AXIN1: variants seen among roughly 807,000 people sequenced by gnomAD.
AXIN1 encodes axin-1.
A neutral mutation model predicts 76.4 loss-of-function variants in AXIN1; 30 were observed. The observed-to-expected ratio is 0.39, with a 90% CI of 0.29 to 0.53. The LOEUF (loss-of-function observed/expected upper bound fraction) is 0.53, where lower values mean the gene tolerates loss of function less well. Among genes scored for constraint, AXIN1 ranks in the 20% least tolerant of loss-of-function variants. AXIN1 has a pLI of 0.66. For synonymous variants in AXIN1, 545 were observed against 501.4 expected, an observed-to-expected ratio of 1.09 and a Z score of -1.16; for missense variants, 1,140 against 1,198.8, an observed-to-expected ratio of 0.95 and a Z score of 0.72.
At chr16:302,070 C>T (rs1018775834) in intron 5 of AXIN1, among the ~76,000 whole-genome samples, 3 of 152,228 alleles carry the variant, frequency 2.0e-5, no homozygotes, top group Admixed American at 2.0e-4. Context: ...GCCTCAGGTG[C>T]GCACAGCCAG....
chr16:298,636 T>C (rs1006754890), intron 5 of AXIN1, among the ~76,000 whole-genome samples: 4 of 152,180 alleles, frequency 2.6e-5, no homozygotes, highest in Non-Finnish European at 2.9e-5. Context: ...GCCTCCAGAA[T>C]AGCGGAGACC....
In AXIN1 at chr16:305,541, G is replaced by GT. The variant is rs113081378; in HGVS notation, c.1117-1101dup. Among the ~76,000 whole-genome samples, 23 of 151,586 alleles carry GT rather than the reference G, an allele frequency of 1.5e-4. 1 individual carries two copies. Among genetic ancestry groups the GT allele is most frequent in the African/African-American group, 5.3e-4 (22 of 41,308 alleles). On this transcript the variant is annotated intron_variant, in intron 4 of 10. Transcript: ENST00000262320. ...ATACCATATAGCTTGTTTGTTTTTG[G>GT]TTTTTTTTGTTTTTGTTTTTGAGAC... is the stretch of plus-strand genomic sequence containing the variant.
intron 7 of AXIN1, among the ~76,000 whole-genome samples, chr16:295,763 A>G (rs1392055798): frequency 1.3e-5 from 2 of 151,474 alleles, no homozygotes; most frequent in African/African-American, 4.9e-5. Context: ...GGAGTTCGAG[A>G]TCAGCCTAAC....
Position 297,914 on chromosome 16 carries a change from T to C in AXIN1, c.1592A>G (p.His531Arg), listed in dbSNP as rs1211411744. ...GAKLDAAGLH[H>R]HRHVHHHVHH... Reference sequence around the variant, plus strand: ...GACGTGGTGGTGGACGTGTCGGTGGTGGTGCAGGCCGGCCGCGTCCAGCTT... The same window carrying C: ...GACGTGGTGGTGGACGTGTCGGTGGCGGTGCAGGCCGGCCGCGTCCAGCTT... Residue 531 changes from histidine (H) to arginine (R), a missense_variant, in exon 6 of 11, where the codon CAC becomes CGC. Around this residue, in one of 3 missense-constraint regions of AXIN1, gnomAD observed 708 missense variants for 776.9 expected, o/e 0.91. Transcript: ENST00000262320. 1 of 1,597,076 alleles carries C rather than the reference T, an allele frequency of 6.3e-7. No individual in the cohort carries two copies. Among genetic ancestry groups the C allele is most frequent in the Non-Finnish European group, 8.5e-7 (1 of 1,171,156 alleles).
intron 2 of AXIN1, among the ~76,000 whole-genome samples, chr16:337,575 C>G (rs2053832669): frequency 6.6e-6 from 1 of 151,894 alleles, no homozygotes; most frequent in African/African-American, 2.4e-5. Flanking sequence ...GGGCACAGGA[C>G]CAAGCAGCCC....
chr16:329,051 G>A (rs2141650276), intron 2 of AXIN1, among the ~76,000 whole-genome samples: 1 of 152,256 alleles, frequency 6.6e-6, no homozygotes, highest in African/African-American at 2.4e-5. Flanking sequence ...CAAGGCAGGA[G>A]GGAGGATCAC....
intron 3 of AXIN1, among the ~76,000 whole-genome samples, chr16:312,988 T>C (rs1465064308): frequency 6.6e-6 from 1 of 152,144 alleles, no homozygotes; most frequent in African/African-American, 2.4e-5. Context: ...AGTTGGAGAC[T>C]GCATAGTGAG....
At chr16:297,394 C>T (rs2052742814) in intron 6 of AXIN1, among the ~76,000 whole-genome samples, 168 bp from the exon 7 acceptor site, 1 of 151,906 alleles carries the variant, frequency 6.6e-6, no homozygotes, top group Admixed American at 6.6e-5. Context: ...CCAGCTTGTC[C>T]CCCACCCGCT....
At chr16:320,114 C>T (rs913050895) in intron 2 of AXIN1, among the ~76,000 whole-genome samples, 3 of 152,210 alleles carry the variant, frequency 2.0e-5, no homozygotes, top group Admixed American at 6.5e-5. Context: ...TCACAAGCAA[C>T]GCATTTCCTG....
At chr16:298,723 C>T (rs949167761) in intron 5 of AXIN1, among the ~76,000 whole-genome samples, 1 of 151,850 alleles carries the variant, frequency 6.6e-6, no homozygotes, top group African/African-American at 2.4e-5. Flanking sequence ...ATTGGCCAGG[C>T]TGGTCTCGAA....
chr16:289,163 A>G (rs2052479638), intron 10 of AXIN1, among the ~76,000 whole-genome samples: 1 of 151,004 alleles, frequency 6.6e-6, no homozygotes, highest in South Asian at 2.1e-4. Flanking sequence ...ATCTCAGCTC[A>G]CTGCAACCTC....
chr16:293,278 G>C lies in AXIN1; in HGVS notation c.2186+210C>G. ...ATGAGCGCGGCGGCCTCGGGTGTGT[G>C]AAAGCTCCAGCCCCAGCCTCCGTCC... On this transcript the variant is annotated intron_variant, in intron 8 of 10. Coordinates refer to ENST00000262320, the MANE Select transcript of AXIN1 (RefSeq NM_003502.4). The surrounding 1 kb of genome is among the most constrained non-coding windows in gnomAD (Gnocchi z 4.6). 1.6e-6 allele frequency: 1 copy of C among 612,906 alleles called. No homozygotes were observed. The highest frequency in any genetic ancestry group is 2.9e-6 in the Non-Finnish European group (1 of 349,046). The allele number at this position is 612,906 out of a possible 1,614,324, so 38.0% of individuals were successfully genotyped here. A position where few individuals can be genotyped will look rare whatever the true frequency, so the allele number is the denominator to read the frequency against.
At chr16:342,115 G>A in intron 2 of AXIN1, among the ~76,000 whole-genome samples, 1 of 152,210 alleles carries the variant, frequency 6.6e-6, no homozygotes, top group African/African-American at 2.4e-5. Flanking sequence ...TGGAAGCTTT[G>A]TTCTTTCTCT....
rs2141502049 is a variant in AXIN1, at chr16:297,062, C to G, written c.1949G>C (p.Gly650Ala). Residue 650 changes from glycine to alanine, a missense_variant, in exon 7 of 11, where the codon GGC becomes GCC. This residue lies in a region of AXIN1 where 429 missense variants were observed against 405.8 expected (regional missense o/e 1.06). Transcript: ENST00000262320. ...EKEISRHRRT[G>A]HGSSGTRKPQ... is the part of the protein sequence containing the mutation. The stretch of plus-strand genomic sequence containing the variant: ...CTGCGTGCGGGGTGCTCACCCGTGG[C>G]CGGTCCTGCGGTGCCTGCTGATCTC... 6.2e-7 allele frequency: 1 copy of G among 1,611,122 alleles called. No individual in the cohort carries two copies. The highest frequency in any genetic ancestry group is 8.5e-7 in the Non-Finnish European group (1 of 1,179,910).
intron 3 of AXIN1, among the ~76,000 whole-genome samples, chr16:311,702 C>T (rs2053184577): frequency 6.6e-6 from 1 of 152,064 alleles, no homozygotes; most frequent in African/African-American, 2.4e-5. Context: ...ACCCGGGAGG[C>T]GGAGGTTGCA....
At chr16:342,068 C>T (rs528054887) in intron 2 of AXIN1, among the ~76,000 whole-genome samples, 7 of 152,366 alleles carry the variant, frequency 4.6e-5, no homozygotes, top group Non-Finnish European at 8.8e-5. Context: ...CTGCGGGAGC[C>T]AGCAGTGGTA....
chr16:325,475 A>C (rs1029773839), intron 2 of AXIN1, among the ~76,000 whole-genome samples: 4 of 152,206 alleles, frequency 2.6e-5, no homozygotes, highest in Non-Finnish European at 5.9e-5. Context: ...GAGTTGGGGC[A>C]GCGCTTCCCA....
rs113518810 is a variant in AXIN1, at chr16:289,183, A to T, written c.2462+257T>A. Among the ~76,000 whole-genome samples the T allele has an allele frequency of 3.0e-3, 448 of 151,580 alleles. 5 individuals are homozygous for T. The highest frequency in any genetic ancestry group is 0.011 in the African/African-American group (435 of 41,230). ...AGCTCACTGCAACCTCTGCCTCCCG[A>T]GTTCAAGCAATTCTGCCTCAGCCTC... On this transcript the variant is annotated intron_variant, in intron 10 of 10. Transcript: ENST00000262320.
rs576220145 is a variant in AXIN1 at position 318,233 on chromosome 16, G to A, written c.879-3550C>T. ...TCCTTCTCCCACTCTGACTTCCCAG[G>A]TGTGCCTTTCACATTTTTGGAAAAC... is the stretch of plus-strand genomic sequence containing the variant. On this transcript the variant is annotated intron_variant, in intron 2 of 10. Coordinates refer to ENST00000262320, the MANE Select transcript of AXIN1 (RefSeq NM_003502.4). 5.3e-5 allele frequency among the ~76,000 whole-genome samples: 8 copies of A among 152,308 alleles called. No homozygotes were observed. In the South Asian group the frequency reaches 1.7e-3, roughly 32 times the overall value.
Sources: gnomAD v4.1 joint callset for allele counts (sites outside exome capture counted in the v4.1 genomes callset) on GRCh38, gnomAD v4.1.1 for gene constraint, gnomAD v4.1.1 regional missense constraint, Gnocchi (gnomAD v3.1) non-coding constraint, MANE v1.5 for transcripts, NCBI Gene and HGNC (gene_info 2026-07-23, HGNC 2026-07-21) for gene names.